DNAH14: variants seen among roughly 807,000 people sequenced by gnomAD.
The protein encoded by DNAH14 is axonemal beta dynein heavy chain 14.
DNAH14 carries 478 observed loss-of-function variants against 520.9 expected under a neutral mutation model. The observed-to-expected ratio is 0.92, with a 90% CI of 0.85 to 0.99. The LOEUF (loss-of-function observed/expected upper bound fraction) is 0.99. DNAH14 is among the 50% of genes least tolerant of loss of function. The pLI is 0.00. For missense variants in DNAH14, 4,831 were observed against 5,234.5 expected, an observed-to-expected ratio of 0.92 and a Z score of 2.38; for synonymous variants, 1,581 against 1,757.2, an observed-to-expected ratio of 0.90 and a Z score of 2.51.
Position 225,080,376 on chromosome 1 carries a change from T to A in DNAH14, c.2767-3T>A, listed in dbSNP as rs1380227919. ...CTTAGAAAGTCCTACTCTTATTTTT[T>A]AGATAAGAACTCCTCTTCTGTTATG... On this transcript the variant is annotated splice_polypyrimidine_tract_variant and splice_region_variant and intron_variant, in intron 18 of 85. Coordinates refer to ENST00000682510, the MANE Select transcript of DNAH14 (RefSeq NM_001367479.1). 6.6e-7 allele frequency: 1 copy of A among 1,513,450 alleles called. No homozygotes were observed. The highest frequency in any genetic ancestry group is 8.8e-7 in the Non-Finnish European group (1 of 1,130,838). 93.8% of individuals were successfully genotyped at this position (1,513,450 alleles called of 1,614,324 possible).
intron 76 of DNAH14, among the ~76,000 whole-genome samples, chr1:225,365,218 A>G (rs1364527545): frequency 6.6e-6 from 1 of 152,160 alleles, no homozygotes; most frequent in Non-Finnish European, 1.5e-5. Context: ...GCCCTACTTA[A>G]CCGTTTTATT....
chr1:225,388,567 G>A (rs1398449626), intron 82 of DNAH14, 76 bp downstream of exon 82: 1 of 822,670 alleles, frequency 1.2e-6, no homozygotes, highest in East Asian at 2.7e-5. Context: ...CATTTCCCAT[G>A]CTTGGTCTCC....
chr1:224,930,504 C>T (rs1390112397), intron 1 of DNAH14, among the ~76,000 whole-genome samples: 4 of 152,194 alleles, frequency 2.6e-5, no homozygotes, highest in Admixed American at 2.6e-4. Flanking sequence ...GTAAACTGTG[C>T]TGCCAGTCAT....
intron 11 of DNAH14, among the ~76,000 whole-genome samples, chr1:225,033,574 T>A (rs193252095): frequency 1.9e-3 from 290 of 152,302 alleles, no homozygotes; most frequent in Middle Eastern, 3.4e-3. Flanking sequence ...CTTTTTTGGA[T>A]CCACATAAAT....
In DNAH14 at chr1:225,080,579, C is replaced by T. The variant is rs1264787517; in HGVS notation, c.2967C>T (p.Ile989=). Residue 989 remains isoleucine (I), a synonymous_variant, in exon 19 of 86, where the codon ATC becomes ATT. Transcript: ENST00000682510. The part of the protein sequence containing the change: ...EEITQIVLSE[I]SDIEGDLTLR... ...TTACACAGATTGTGCTTTCAGAGATCTCTGACATTGAAGGTGACTTGACTT... is the reference window on the plus strand; with the variant it reads ...TTACACAGATTGTGCTTTCAGAGATTTCTGACATTGAAGGTGACTTGACTT... 1 of 1,552,096 alleles carries T rather than the reference C, an allele frequency of 6.4e-7. No homozygotes were observed. Among genetic ancestry groups the T allele is most frequent in the Non-Finnish European group, 8.7e-7 (1 of 1,147,066 alleles).
intron 37 of DNAH14, among the ~76,000 whole-genome samples, chr1:225,191,037 T>A (rs897098425): frequency 6.6e-6 from 1 of 152,124 alleles, no homozygotes; most frequent in East Asian, 1.9e-4. Flanking sequence ...CCCATTAATA[T>A]AGATTCATTA....
chr1:225,283,616 T>C lies in DNAH14; in HGVS notation c.8271+6114T>C, dbSNP rs527447296. ...ACTTCAATACCTTCACTCTTAATAA[T>C]TGATAGAGAAACTAGACATAAAATC... On this transcript the variant is annotated intron_variant, in intron 54 of 85. Transcript: ENST00000682510. 1.2e-4 allele frequency among the ~76,000 whole-genome samples: 19 copies of C among 152,208 alleles called. No individual in the cohort carries two copies. The South Asian group carries it at 3.9e-3, about 32-fold the overall frequency.
At chr1:225,185,685 G>A (rs2084615020) in intron 37 of DNAH14, among the ~76,000 whole-genome samples, 1 of 151,292 alleles carries the variant, frequency 6.6e-6, no homozygotes, top group Admixed American at 6.6e-5. Flanking sequence ...TTGTTTTTAG[G>A]TATCAATTGA....
Position 225,346,529 on chromosome 1 carries a change from A to T in DNAH14, c.11171A>T (p.Asn3724Ile). 1 of 1,551,412 alleles carries T rather than the reference A, an allele frequency of 6.4e-7. No individual in the cohort carries two copies. Among genetic ancestry groups the T allele is most frequent in the South Asian group, 1.2e-5 (1 of 84,042 alleles). ...SFRLCTVIMQ[N>I]NANGNLIQDD... ...CGGCTTTGCACTGTAATCATGCAAA[A>T]CAATGCTAATGGAAATCTAATACAG... Residue 3724 changes from asparagine (N) to isoleucine (I), a missense_variant, in exon 71 of 86, where the codon AAC (asparagine) becomes ATC (isoleucine). Physicochemically the swap from Asn to Ile is moderately radical, Grantham distance 149. Transcript: ENST00000682510.
intron 23 of DNAH14, 136 bp downstream of exon 23, chr1:225,101,020 C>A: frequency 1.6e-6 from 1 of 637,866 alleles, no homozygotes; most frequent in Non-Finnish European, 2.5e-6. Context: ...TTTAAACTCT[C>A]ACTACCTATA....
intron 36 of DNAH14, among the ~76,000 whole-genome samples, chr1:225,181,096 G>T (rs2083938149): frequency 6.6e-6 from 1 of 152,104 alleles, no homozygotes; most frequent in Non-Finnish European, 1.5e-5. Flanking sequence ...TTCCGTTTCA[G>T]TGCTAATTTG....
Position 224,939,518 on chromosome 1 carries a change from T to A in DNAH14, c.-34+9683T>A, listed in dbSNP as rs116496083. 7.7e-3 allele frequency among the ~76,000 whole-genome samples: 1,173 copies of A among 151,916 alleles called. 17 individuals carry two copies. Among genetic ancestry groups the A allele is most frequent in the African/African-American group, 0.026 (1,095 of 41,442 alleles). The stretch of plus-strand genomic sequence containing the variant: ...ACCCTGTTTCTACTAAAAATAAATT[T>A]AAAAAAACACGAAAAATTAGCTGGG... On this transcript the variant is annotated intron_variant, in intron 1 of 85. Transcript: ENST00000682510.
intron 36 of DNAH14, among the ~76,000 whole-genome samples, chr1:225,170,546 A>T (rs2082516886): frequency 6.6e-6 from 1 of 152,214 alleles, no homozygotes; most frequent in South Asian, 2.1e-4. Flanking sequence ...TGGTAAAGGG[A>T]TCAATACAAC....
rs555406319 is a variant in DNAH14 at position 225,231,346 on chromosome 1, G to C, written c.6518+195G>C. On this transcript the variant is annotated intron_variant, in intron 42 of 85. Transcript: ENST00000682510. ...GATCACCAGATTTATGCTGCATTTT[G>C]AAGTAATATGCATTATAGGAATACA... is the stretch of plus-strand genomic sequence containing the variant. Among the ~76,000 whole-genome samples, 13 of 152,154 alleles carry C rather than the reference G, an allele frequency of 8.5e-5. No individual in the cohort carries two copies. The South Asian group carries it at 2.7e-3, about 32-fold the overall frequency.
At chr1:225,360,533 A>T in intron 74 of DNAH14, 148 bp from the exon 75 acceptor site, 1 of 753,390 alleles carries the variant, frequency 1.3e-6, no homozygotes, top group Non-Finnish European at 2.1e-6. Flanking sequence ...ACCAAAATTT[A>T]AACTCTGGGC....
At chr1:224,930,951 A>T (rs906692221) in intron 1 of DNAH14, among the ~76,000 whole-genome samples, 2 of 152,212 alleles carry the variant, frequency 1.3e-5, no homozygotes, top group African/African-American at 4.8e-5. Flanking sequence ...TATTAAAAAA[A>T]TGTTACCTGT....
At chr1:225,283,003 TATC>T (rs1300089058) in intron 54 of DNAH14, among the ~76,000 whole-genome samples, 4 of 151,996 alleles carry the variant, frequency 2.6e-5, no homozygotes, top group Non-Finnish European at 5.9e-5. Context: ...TACCTTATGA[TATC>T]ATTCAATAAA....
chr1:224,984,050 T>A (rs1296681370), intron 8 of DNAH14, among the ~76,000 whole-genome samples: 2 of 152,042 alleles, frequency 1.3e-5, no homozygotes, highest in Non-Finnish European at 1.5e-5. Context: ...AATTCTAAAA[T>A]TCATATGGAA....
intron 33 of DNAH14, 36 bp downstream of exon 33, chr1:225,152,919 A>G (rs759287196): frequency 3.8e-5 from 58 of 1,537,432 alleles, no homozygotes; most frequent in Non-Finnish European, 4.6e-5. Flanking sequence ...TTTAAAGGTG[A>G]TTATATAAAA....
Sources: allele counts gnomAD v4.1 joint callset (sites outside exome capture counted in the v4.1 genomes callset), GRCh38; gene constraint gnomAD v4.1.1; transcripts MANE v1.5; gene names NCBI Gene and HGNC (gene_info 2026-07-23, HGNC 2026-07-21).